The following SLC25A17 variants were observed in gnomAD, a reference collection of about 807,000 sequenced individuals.
SLC25A17 encodes the protein solute carrier family 25 member 17.
In SLC25A17, 26 loss-of-function variants were observed where a neutral mutation model predicts 38.5. The ratio of observed to expected loss-of-function variants is 0.68; its 90% CI spans 0.50 to 0.94. SLC25A17 has a LOEUF of 0.94. Ranked by LOEUF, SLC25A17 falls within the 40% of genes least tolerant of loss-of-function variation. The pLI is 0.00. For missense variants in SLC25A17, 333 were observed against 372.7 expected (o/e 0.89, Z 0.88); for synonymous variants, 139 against 136.2 (o/e 1.02, Z -0.14).
In SLC25A17 at chr22:40,770,308, C is replaced by T. The variant is rs911351090; in HGVS notation, c.*526G>A. On this transcript the variant is annotated 3_prime_UTR_variant, in exon 9 of 9. Coordinates refer to ENST00000435456, the MANE Select transcript of SLC25A17 (RefSeq NM_006358.4). Reference sequence around the variant, plus strand: ...TAGCTCATATCCAAAAAAGACACCTCTCCTTAAGCAGGGAAAAAAAAGCCC... The same window carrying T: ...TAGCTCATATCCAAAAAAGACACCTTTCCTTAAGCAGGGAAAAAAAAGCCC... 6.6e-6 allele frequency: 1 copy of T among 152,136 alleles called. No homozygotes were observed. Among genetic ancestry groups the T allele is most frequent in the East Asian group, 1.9e-4 (1 of 5,192 alleles). 9.4% of individuals were successfully genotyped at this position (152,136 alleles called of 1,614,324 possible).
chr22:40,774,009 T>A lies in SLC25A17; in HGVS notation c.704A>T (p.His235Leu), dbSNP rs766266595. 6.2e-7 allele frequency: 1 copy of A among 1,611,174 alleles called. No individual in the cohort carries two copies. The highest frequency in any genetic ancestry group is 1.7e-5 in the Admixed American group (1 of 60,002). Residue 235 changes from histidine (H) to leucine (L), a missense_variant, in exon 8 of 9, where the codon CAT (histidine) becomes CTT (leucine). By Grantham distance (99) the His-to-Leu change is moderately conservative. Coordinates refer to ENST00000435456, the MANE Select transcript of SLC25A17 (RefSeq NM_006358.4). Reference protein sequence around the residue: ...TVQSILRFGRHRLNPENRTLG... With the variant: ...TVQSILRFGRLRLNPENRTLG... ...TGTTCTGTTTTCTGGGTTTAGTCTATGACGCCCAAACTGAGGAAAGAGGGA... is the reference window on the plus strand; with the variant it reads ...TGTTCTGTTTTCTGGGTTTAGTCTAAGACGCCCAAACTGAGGAAAGAGGGA...
intron 1 of SLC25A17, among the ~76,000 whole-genome samples, chr22:40,818,832 A>G (rs1344661594): frequency 6.6e-6 from 1 of 152,148 alleles, no homozygotes; most frequent in East Asian, 1.9e-4. Flanking sequence ...CATGTGACTA[A>G]GCAACACGGC....
intron 4 of SLC25A17, among the ~76,000 whole-genome samples, chr22:40,781,959 C>T (rs998822902): frequency 6.6e-6 from 1 of 152,116 alleles, no homozygotes; most frequent in South Asian, 2.1e-4. Context: ...CGGTTGCTCA[C>T]GCCTGGAATC....
rs1434126740 is a variant in SLC25A17 at position 40,778,996 on chromosome 22, A to G, written c.451+13T>C. 6.2e-7 allele frequency: 1 copy of G among 1,600,408 alleles called. No individual in the cohort carries two copies. The highest frequency in any genetic ancestry group is 2.2e-5 in the East Asian group (1 of 44,710). ...AAAACCCTTAAATAGGAATTCAGCA[A>G]AGAGATACTTACCAATGATACCTTT... On this transcript the variant is annotated intron_variant, in intron 5 of 8. Coordinates refer to ENST00000435456, the MANE Select transcript of SLC25A17 (RefSeq NM_006358.4).
chr22:40,781,403 G>A (rs767357660), intron 4 of SLC25A17, among the ~76,000 whole-genome samples: 6 of 151,982 alleles, frequency 3.9e-5, no homozygotes, highest in Non-Finnish European at 7.4e-5. Flanking sequence ...CCGCCACTGC[G>A]CCCGACTAAT....
In SLC25A17 at chr22:40,769,986, A is replaced by G. The variant is rs2057165791; in HGVS notation, c.*848T>C. 1 of 152,234 alleles carries G rather than the reference A, an allele frequency of 6.6e-6. No homozygotes were observed. Among genetic ancestry groups the G allele is most frequent in the Non-Finnish European group, 1.5e-5 (1 of 68,044 alleles). The allele number at this position is 152,234 out of a possible 1,614,324, so 9.4% of individuals were successfully genotyped here. A position where few individuals can be genotyped will look rare whatever the true frequency, so the allele number is the denominator to read the frequency against. The stretch of plus-strand genomic sequence containing the variant: ...AAAGGGAGATAATATCCAGACCTCA[A>G]CAAGATATCTGCTCCCCTTCTCATT... On this transcript the variant is annotated 3_prime_UTR_variant, in exon 9 of 9. Transcript: ENST00000435456.
chr22:40,775,435 GGTTTTTTTTTTTTTTTTTTTTT>G (rs1281530150), intron 7 of SLC25A17, among the ~76,000 whole-genome samples: 11 of 95,794 alleles, frequency 1.1e-4, no homozygotes, highest in African/African-American at 1.6e-4. Context: ...GAGATCTGAT[GGTTTTTTTTTTTTTTTTTTTTT>G]TTTTTTTTTT....
intron 5 of SLC25A17, among the ~76,000 whole-genome samples, chr22:40,778,506 A>G (rs2057265992): frequency 1.3e-5 from 2 of 152,162 alleles, no homozygotes; most frequent in Admixed American, 6.5e-5. Flanking sequence ...ATCCACAAAC[A>G]TGTGTTAAAA....
chr22:40,774,326 T>A (rs1480092950), intron 7 of SLC25A17, among the ~76,000 whole-genome samples: 1 of 151,708 alleles, frequency 6.6e-6, no homozygotes, highest in Non-Finnish European at 1.5e-5. Context: ...CAGGTTCAAG[T>A]GATTCTCCTG....
intron 4 of SLC25A17, 33 bp downstream of exon 4, chr22:40,792,492 T>C (rs770362623): frequency 1.9e-6 from 3 of 1,546,492 alleles, no homozygotes; most frequent in South Asian, 2.4e-5. Flanking sequence ...AAGGTAAATA[T>C]AAAAACATTT....
chr22:40,812,571 GA>G (rs1386491313), intron 1 of SLC25A17, among the ~76,000 whole-genome samples: 7 of 152,198 alleles, frequency 4.6e-5, no homozygotes, highest in Non-Finnish European at 8.8e-5. Context: ...CTAGCAGGGT[GA>G]AAACTAGTGG....
At chr22:40,792,242 G>C (rs1381032441) in intron 4 of SLC25A17, among the ~76,000 whole-genome samples, 1 of 84,292 alleles carries the variant, frequency 1.2e-5, no homozygotes, top group Non-Finnish European at 2.6e-5. Flanking sequence ...CAGGGAAAGG[G>C]AAAAGGGGAG....
At chr22:40,812,800 G>T (rs2057596414) in intron 1 of SLC25A17, among the ~76,000 whole-genome samples, 1 of 152,108 alleles carries the variant, frequency 6.6e-6, no homozygotes, top group South Asian at 2.1e-4. Context: ...TCAGGAGATT[G>T]AGGCTGCAGT....
Position 40,816,756 on chromosome 22 carries a change from G to A in SLC25A17, c.54+2439C>T, listed in dbSNP as rs771334294. ...CTCCCGAGTAGCTGGGATTACAGGC[G>A]CCCACCACCATGCCTGGCTACTTTT... On this transcript the variant is annotated intron_variant, in intron 1 of 8. Coordinates refer to ENST00000435456, the MANE Select transcript of SLC25A17 (RefSeq NM_006358.4). Among the ~76,000 whole-genome samples, 203 of 151,978 alleles carry A rather than the reference G, an allele frequency of 1.3e-3. No individual in the cohort carries two copies. The Middle Eastern group carries it at 0.014, about 10-fold the overall frequency.
At chr22:40,811,978 T>C (rs1021270347) in intron 1 of SLC25A17, among the ~76,000 whole-genome samples, 12 of 35,370 alleles carry the variant, frequency 3.4e-4, no homozygotes, top group African/African-American at 1.4e-3. Flanking sequence ...GGGTTCCTCT[T>C]TTTTGTGAAC....
At position 40,789,109 on chromosome 22, in the gene SLC25A17, A is replaced by T; in HGVS notation, c.334+3416T>A. The T allele has an allele frequency of 3.7e-6, 1 of 270,646 alleles. No individual in the cohort carries two copies. Among genetic ancestry groups the T allele is most frequent in the Non-Finnish European group, 7.7e-6 (1 of 130,254 alleles). The allele number at this position is 270,646 out of a possible 1,614,324, so 16.8% of individuals were successfully genotyped here. A position where few individuals can be genotyped will look rare whatever the true frequency, so the allele number is the denominator to read the frequency against. On this transcript the variant is annotated intron_variant, in intron 4 of 8. Transcript: ENST00000435456. The surrounding 1 kb of genome is among the most constrained non-coding windows in gnomAD (Gnocchi z 4.5). ...TCCAGCACTGGCCCAACCATAATAA[A>T]TGCCACTGGATATATCGGCTGGCAG...
At chr22:40,796,877 A>C (rs974428057) in intron 2 of SLC25A17, among the ~76,000 whole-genome samples, 1 of 152,232 alleles carries the variant, frequency 6.6e-6, no homozygotes, top group Non-Finnish European at 1.5e-5. Context: ...GCTGTAAGAC[A>C]GACGAAGACG....
In SLC25A17 at chr22:40,811,628, T is replaced by C. The variant is rs370444493; in HGVS notation, c.54+7567A>G. Among the ~76,000 whole-genome samples the C allele has an allele frequency of 2.6e-5, 4 of 152,074 alleles. No homozygotes were observed. In the East Asian group the frequency reaches 5.8e-4, roughly 22 times the overall value. On this transcript the variant is annotated intron_variant, in intron 1 of 8. Coordinates refer to ENST00000435456, the MANE Select transcript of SLC25A17 (RefSeq NM_006358.4). ...TCTGGTGAGGGCCTCAGGTGGCTTA[T>C]GATCATGGTGGAAGGTGAAAGGGGA...
Position 40,770,639 on chromosome 22 carries a change from C to T in SLC25A17, c.*195G>A. On this transcript the variant is annotated 3_prime_UTR_variant, in exon 9 of 9. Transcript: ENST00000435456. ...TTAGTCCAACTGCCACCCCAAAATC[C>T]AACCAGCCAGCATGACAATTAAGGT... The T allele has an allele frequency of 2.3e-6, 1 of 428,864 alleles. No homozygotes were observed. Among genetic ancestry groups the T allele is most frequent in the Non-Finnish European group, 3.9e-6 (1 of 254,154 alleles). 26.6% of individuals were successfully genotyped at this position (428,864 alleles called of 1,614,324 possible).
Sources: allele counts gnomAD v4.1 joint callset (sites outside exome capture counted in the v4.1 genomes callset), GRCh38; gene constraint gnomAD v4.1.1; non-coding constraint Gnocchi (gnomAD v3.1); transcripts MANE v1.5; gene names NCBI Gene and HGNC (gene_info 2026-07-23, HGNC 2026-07-21).